The following RIMS2 variants were observed in gnomAD, a reference collection of about 807,000 sequenced individuals.
The protein encoded by RIMS2 is regulating synaptic membrane exocytosis protein 2.
A neutral mutation model predicts 174.4 loss-of-function variants in RIMS2; 59 were observed. The observed-to-expected ratio is 0.34, with a 90% confidence interval of 0.27 to 0.42. The LOEUF (loss-of-function observed/expected upper bound fraction) is 0.42. Among genes scored for constraint, RIMS2 ranks in the 10% least tolerant of loss-of-function variants. The pLI is 1.00. For missense variants in RIMS2, 1,620 were observed against 1,666.3 expected (o/e 0.97, Z 0.48); for synonymous variants, 606 against 572.5 (o/e 1.06, Z -0.84).
chr8:103,859,797 A>G (rs561470927), intron 3 of RIMS2, among the ~76,000 whole-genome samples: 13 of 152,266 alleles, frequency 8.5e-5, no homozygotes, highest in African/African-American at 3.1e-4. Context: ...CTAGCAGTCC[A>G]GGGTCCAACA....
At chr8:104,159,247 T>G (rs1221658389) in intron 19 of RIMS2, among the ~76,000 whole-genome samples, 1 of 152,200 alleles carries the variant, frequency 6.6e-6, no homozygotes, top group African/African-American at 2.4e-5. Context: ...TCTGTTCCAT[T>G]GGTCTATATA....
chr8:103,601,002 G>T (rs895427475), intron 1 of RIMS2, among the ~76,000 whole-genome samples: 6 of 152,056 alleles, frequency 3.9e-5, no homozygotes, highest in African/African-American at 1.4e-4. Flanking sequence ...TCATTTGTAT[G>T]TCTTCTTTTG....
intron 19 of RIMS2, among the ~76,000 whole-genome samples, chr8:104,139,588 A>T (rs1445931968): frequency 6.6e-6 from 1 of 152,176 alleles, no homozygotes; most frequent in Non-Finnish European, 1.5e-5. Flanking sequence ...TAGAAATGCT[A>T]CTGATTTTTG....
intron 1 of RIMS2, among the ~76,000 whole-genome samples, chr8:103,690,528 C>T (rs779333702): frequency 1.3e-5 from 2 of 152,124 alleles, no homozygotes; most frequent in Non-Finnish European, 2.9e-5. Context: ...TTATTTTAAA[C>T]TGATGACAAC....
intron 1 of RIMS2, among the ~76,000 whole-genome samples, chr8:103,607,850 A>G (rs2095189796): frequency 1.5e-5 from 2 of 133,710 alleles, no homozygotes; most frequent in South Asian, 4.8e-4. Flanking sequence ...TTTCAGCTCC[A>G]TCAGCTCCTT....
intron 19 of RIMS2, among the ~76,000 whole-genome samples, chr8:104,198,279 C>G (rs563593092): frequency 1.4e-4 from 22 of 152,332 alleles, no homozygotes; most frequent in Admixed American, 1.2e-3. Flanking sequence ...CTCCGTGTTT[C>G]AGACCCCTGG....
chr8:103,792,833 A>T (rs2098513049), intron 3 of RIMS2, among the ~76,000 whole-genome samples: 2 of 152,334 alleles, frequency 1.3e-5, no homozygotes, highest in Admixed American at 1.3e-4. Context: ...AAAATCCGAA[A>T]GAAATGGATA....
intron 19 of RIMS2, among the ~76,000 whole-genome samples, chr8:104,232,464 A>C (rs1446215413): frequency 6.6e-6 from 1 of 152,244 alleles, no homozygotes; most frequent in Admixed American, 6.5e-5. Flanking sequence ...CAATTCTGGC[A>C]ATTTAAGCAG....
chr8:103,702,184 G>A (rs1012143719), intron 2 of RIMS2, among the ~76,000 whole-genome samples: 1 of 152,094 alleles, frequency 6.6e-6, no homozygotes, highest in African/African-American at 2.4e-5. Context: ...CTGATAATTA[G>A]TAATGGTGAT....
chr8:103,919,031 A>G (rs2077119740), intron 9 of RIMS2, among the ~76,000 whole-genome samples: 1 of 152,202 alleles, frequency 6.6e-6, no homozygotes, highest in Non-Finnish European at 1.5e-5. Context: ...TAAATACAGA[A>G]GTTTAATGTC....
intron 2 of RIMS2, among the ~76,000 whole-genome samples, chr8:103,737,181 T>G (rs2097696691): frequency 8.0e-6 from 1 of 124,846 alleles, no homozygotes; most frequent in Non-Finnish European, 1.7e-5. Context: ...TGTTCTTTTT[T>G]TTTTTTTTTT....
At chr8:103,566,039 G>A (rs925390946) in intron 1 of RIMS2, among the ~76,000 whole-genome samples, 3 of 152,120 alleles carry the variant, frequency 2.0e-5, no homozygotes, top group African/African-American at 7.2e-5. Flanking sequence ...TTGAAATTGA[G>A]GTGCCACTGA....
At chr8:103,949,124 CA>C (rs533642917) in intron 14 of RIMS2, among the ~76,000 whole-genome samples, 1,014 of 44,048 alleles carry the variant, frequency 0.023, no homozygotes, top group East Asian at 0.13. Context: ...GAGACTCTGT[CA>C]AAAAAAAAAA....
Position 104,020,543 on chromosome 8 carries a change from C to A in RIMS2, c.3334+5928C>A, listed in dbSNP as rs530557667. The stretch of plus-strand genomic sequence containing the variant: ...TACCTTTAATGATTCTGATGCAATT[C>A]TATTTTATTGAATGTAATGGCATTA... On this transcript the variant is annotated intron_variant, in intron 19 of 23. Coordinates refer to ENST00000504942, the Ensembl canonical transcript of RIMS2. 3.9e-5 allele frequency among the ~76,000 whole-genome samples: 6 copies of A among 151,932 alleles called. No homozygotes were observed. In the South Asian group the frequency reaches 1.2e-3, roughly 31 times the overall value.
At chr8:103,539,583 C>A (rs542939228) in intron 1 of RIMS2, among the ~76,000 whole-genome samples, 1 of 152,168 alleles carries the variant, frequency 6.6e-6, no homozygotes, top group Non-Finnish European at 1.5e-5. Flanking sequence ...ATTGTTGAAA[C>A]CACCATCATC....
chr8:103,972,534 A>G lies in RIMS2; in HGVS notation c.2771-2816A>G, dbSNP rs1364750463. ...TCAGATTAAATGCCACAATGTTTGC[A>G]ATAATTTACAAGCGTCTACATAATC... is the stretch of plus-strand genomic sequence containing the variant. On this transcript the variant is annotated intron_variant, in intron 15 of 23. Coordinates refer to ENST00000504942, the Ensembl canonical transcript of RIMS2. Among the ~76,000 whole-genome samples, 3 of 152,204 alleles carry G rather than the reference A, an allele frequency of 2.0e-5. No individual in the cohort carries two copies. The East Asian group carries it at 5.8e-4, about 29-fold the overall frequency.
At chr8:103,554,177 A>AGGTGCAAGGTGC (rs1849365342) in intron 1 of RIMS2, among the ~76,000 whole-genome samples, 1 of 152,130 alleles carries the variant, frequency 6.6e-6, no homozygotes, top group Non-Finnish European at 1.5e-5. Context: ...AGGAATTGCA[A>AGGTGCAAGGTGC]AAAAAATGCA....
intron 4 of RIMS2, among the ~76,000 whole-genome samples, chr8:103,908,684 C>G (rs550015033): frequency 1.3e-5 from 2 of 152,270 alleles, no homozygotes; most frequent in Admixed American, 1.3e-4. Context: ...AAACATCTCT[C>G]AATCCCTCTT....
At chr8:104,248,566 A>C in intron 20 of RIMS2, 135 bp from the exon 27 acceptor site, 35 of 603,808 alleles carry the variant, frequency 5.8e-5, no homozygotes, top group Middle Eastern at 3.9e-4. Flanking sequence ...GGAACTGGGT[A>C]TTTGGATCCA....
Sources: allele counts gnomAD v4.1 joint callset (sites outside exome capture counted in the v4.1 genomes callset), GRCh38; gene constraint gnomAD v4.1.1; transcripts MANE v1.5; gene names NCBI Gene and HGNC (gene_info 2026-07-23, HGNC 2026-07-21).